NLGN4X: variants seen among roughly 807,000 people sequenced by gnomAD.
The protein encoded by NLGN4X is neuroligin 4 X-linked.
NLGN4X carries 3 observed loss-of-function variants against 40.3 expected under a neutral mutation model. The ratio of observed to expected loss-of-function variants is 0.07; its 90% CI spans 0.03 to 0.19. The LOEUF (loss-of-function observed/expected upper bound fraction) is 0.19, where lower values mean the gene tolerates loss of function less well. Ranked by LOEUF, NLGN4X falls within the 10% of genes least tolerant of loss-of-function variation. The pLI, the probability that NLGN4X is intolerant of heterozygous loss-of-function variation, is 1.00. For missense variants in NLGN4X, 382 were observed against 708.3 expected (o/e 0.54, Z 5.23); for synonymous variants, 270 against 306.8 (o/e 0.88, Z 1.25).
intron 3 of NLGN4X, among the ~76,000 whole-genome samples, chrX:5,998,751 C>T (rs1005074688): frequency 2.7e-5 from 3 of 112,372 alleles, no homozygotes; most frequent in Admixed American, 9.4e-5. Flanking sequence ...ATTCTCTTGG[C>T]CTGCTTGCTT....
intron 1 of NLGN4X, among the ~76,000 whole-genome samples, chrX:6,225,689 CTTTTTTTTTTTTTTT>C (rs749574818): frequency 2.2e-4 from 6 of 26,911 alleles, no homozygotes; most frequent in Non-Finnish European, 3.2e-4. Context: ...TTCTTTTTTT[CTTTTTTTTTTTTTTT>C]TTTTTTTTTT....
intron 3 of NLGN4X, among the ~76,000 whole-genome samples, chrX:5,957,620 G>A (rs780277408): frequency 8.9e-6 from 1 of 112,073 alleles, no homozygotes; most frequent in African/African-American, 3.2e-5. Flanking sequence ...AGTTACTGGT[G>A]AAGTAAAATT....
chrX:5,948,282 G>A (rs1372253402), intron 3 of NLGN4X, among the ~76,000 whole-genome samples: 1 of 111,771 alleles, frequency 8.9e-6, no homozygotes, highest in Non-Finnish European at 1.9e-5. Flanking sequence ...ATAAAATGGT[G>A]TTCACAATTT....
chrX:6,193,265 C>T (rs1398810695), intron 1 of NLGN4X, among the ~76,000 whole-genome samples: 1 of 110,838 alleles, frequency 9.0e-6, no homozygotes, highest in Non-Finnish European at 1.9e-5. Context: ...AAAAATTAGC[C>T]GGGCGCAGTG....
At chrX:6,050,463 T>C (rs2037457468) in intron 2 of NLGN4X, among the ~76,000 whole-genome samples, 1 of 111,305 alleles carries the variant, frequency 9.0e-6, no homozygotes, top group Non-Finnish European at 1.9e-5. Flanking sequence ...TCTATCCATC[T>C]CTATCATCTA....
chrX:6,145,210 A>G (rs1295850771), intron 2 of NLGN4X, among the ~76,000 whole-genome samples: 2 of 110,731 alleles, frequency 1.8e-5, no homozygotes, highest in African/African-American at 6.6e-5. Flanking sequence ...GCCAATCAAA[A>G]CCCCGCCCTG....
chrX:5,931,581 T>C (rs2033546416), intron 3 of NLGN4X, among the ~76,000 whole-genome samples: 3 of 111,787 alleles, frequency 2.7e-5, no homozygotes, highest in Admixed American at 1.9e-4. Flanking sequence ...CACAGATTCA[T>C]TTGGATGGTT....
At chrX:6,057,420 C>T (rs1183079570) in intron 2 of NLGN4X, among the ~76,000 whole-genome samples, 2 of 111,646 alleles carry the variant, frequency 1.8e-5, no homozygotes, top group Non-Finnish European at 3.8e-5. Flanking sequence ...ACCACACGGA[C>T]AGCTGGATGA....
chrX:5,990,813 G>A (rs1015606426), intron 3 of NLGN4X, among the ~76,000 whole-genome samples: 1 of 111,074 alleles, frequency 9.0e-6, no homozygotes, highest in African/African-American at 3.3e-5. Flanking sequence ...AGTCAGAAAA[G>A]TACCTGATAC....
In NLGN4X at chrX:6,180,672, C is replaced by A. The variant is rs770729139; in HGVS notation, c.-305-28901G>T. Among the ~76,000 whole-genome samples, 3 of 111,325 alleles carry A rather than the reference C, an allele frequency of 2.7e-5. No homozygotes were observed. In the East Asian group the frequency reaches 8.4e-4, roughly 31 times the overall value. Reference sequence around the variant, plus strand: ...GAGAGTTGATTCTAGGTAACTAGCACTGAATGCATCTGTTCATTGTTTATA... The same window carrying A: ...GAGAGTTGATTCTAGGTAACTAGCAATGAATGCATCTGTTCATTGTTTATA... On this transcript the variant is annotated intron_variant, in intron 1 of 5. Coordinates refer to ENST00000381095, the MANE Select transcript of NLGN4X (RefSeq NM_181332.3).
chrX:6,202,847 C>A (rs1923745733), intron 1 of NLGN4X, among the ~76,000 whole-genome samples: 1 of 112,053 alleles, frequency 8.9e-6, no homozygotes, highest in South Asian at 3.7e-4. Context: ...TGAACTCTCT[C>A]CCTTTTCTTA....
intron 2 of NLGN4X, among the ~76,000 whole-genome samples, chrX:6,055,645 TAATAA>T (rs56156400): frequency 0.35 from 38,269 of 110,072 alleles, 5,057 homozygotes; most frequent in Non-Finnish European, 0.38. Context: ...TTAAAAATAA[TAATAA>T]AATAATGAAA....
chrX:6,080,834 T>TAATTTG (rs991664362), intron 2 of NLGN4X, among the ~76,000 whole-genome samples: 13 of 111,561 alleles, frequency 1.2e-4, no homozygotes, highest in African/African-American at 3.9e-4. Flanking sequence ...TGAAAATTTA[T>TAATTTG]AATTTGTTTA....
chrX:6,119,196 G>A (rs936384455), intron 2 of NLGN4X, among the ~76,000 whole-genome samples: 1 of 111,836 alleles, frequency 8.9e-6, no homozygotes, highest in Non-Finnish European at 1.9e-5. Flanking sequence ...ATCATAGTAG[G>A]TCCTCAATGG....
chrX:6,117,195 G>A (rs949873630), intron 2 of NLGN4X, among the ~76,000 whole-genome samples: 3 of 110,277 alleles, frequency 2.7e-5, no homozygotes, highest in African/African-American at 6.6e-5. Context: ...ATATTTGTCC[G>A]CATCTTTGTT....
chrX:6,203,839 C>T (rs1923823739), intron 1 of NLGN4X, among the ~76,000 whole-genome samples: 1 of 112,549 alleles, frequency 8.9e-6, no homozygotes, highest in African/African-American at 3.2e-5. Flanking sequence ...GCAGTTTTAA[C>T]CTAAGGTTTA....
At chrX:6,072,679 C>T (rs2038097308) in intron 2 of NLGN4X, among the ~76,000 whole-genome samples, 1 of 111,704 alleles carries the variant, frequency 9.0e-6, no homozygotes, top group South Asian at 3.8e-4. Flanking sequence ...ACGGAGTCCA[C>T]CTCTGGGATG....
rs1344341211 is a variant in NLGN4X, at chrX:5,989,105, T to A, written c.625+40175A>T. 6.6e-5 allele frequency among the ~76,000 whole-genome samples: 7 copies of A among 106,836 alleles called. No individual in the cohort carries two copies. The South Asian group carries it at 1.2e-3, about 19-fold the overall frequency. 92.8% of individuals were successfully genotyped at this position (106,836 alleles called of 115,157 possible). A position where few individuals can be genotyped will look rare whatever the true frequency, so the allele number is the denominator to read the frequency against. On this transcript the variant is annotated intron_variant, in intron 3 of 5. Coordinates refer to ENST00000381095, the MANE Select transcript of NLGN4X (RefSeq NM_181332.3). ...AAAATAAAAAAAATAAAAAAAAAAATAAAAAAGAGTTAGTTGAAACAAGCT... is the reference window on the plus strand; with the variant it reads ...AAAATAAAAAAAATAAAAAAAAAAAAAAAAAAGAGTTAGTTGAAACAAGCT...
intron 2 of NLGN4X, among the ~76,000 whole-genome samples, chrX:6,086,206 A>C (rs1241435700): frequency 8.9e-6 from 1 of 111,894 alleles, no homozygotes; most frequent in Non-Finnish European, 1.9e-5. Flanking sequence ...ATTAATGTAA[A>C]AATTAAAGTT....
Sources: allele counts gnomAD v4.1 joint callset (sites outside exome capture counted in the v4.1 genomes callset), GRCh38; gene constraint gnomAD v4.1.1; transcripts MANE v1.5; gene names NCBI Gene and HGNC (gene_info 2026-07-23, HGNC 2026-07-21).